Variants in MCM5 observed in about 807,000 individuals in gnomAD.
The protein encoded by MCM5 is minichromosome maintenance complex component 5, also known as DNA replication licensing factor MCM5.
A neutral mutation model predicts 79.9 loss-of-function variants in MCM5; 46 were observed. The ratio of observed to expected loss-of-function variants is 0.58; its 90% CI spans 0.45 to 0.74. MCM5 has a LOEUF of 0.74. Ranked by LOEUF, MCM5 falls within the 30% of genes least tolerant of loss-of-function variation. The probability of loss-of-function intolerance (pLI) is 0.00; values close to 1 mark genes in which losing one functional copy is unlikely to be tolerated. For synonymous variants in MCM5, 404 were observed against 390.5 expected, an observed-to-expected ratio of 1.03 and a Z score of -0.41; for missense variants, 883 against 1,017.0, an observed-to-expected ratio of 0.87 and a Z score of 1.79.
chr22:35,438,416 C>T, the MCM5 span, among the ~76,000 whole-genome samples: 4 of 143,298 alleles, frequency 2.8e-5, no homozygotes, highest in Admixed American at 1.4e-4. Flanking sequence ...CATATTCATC[C>T]ATCCATCCAT....
At position 35,423,267 on chromosome 22, in the gene MCM5, A is replaced by C. The variant is rs1932740120; in HGVS notation, c.2029A>C (p.Lys677Gln). The C allele has an allele frequency of 6.2e-7, 1 of 1,606,804 alleles. No homozygotes were observed. The highest frequency in any genetic ancestry group is 8.5e-7 in the Non-Finnish European group (1 of 1,175,458). Reference protein sequence around the residue: ...EDQEMLSRIEKQLKRRFAIGS... With the variant: ...EDQEMLSRIEQQLKRRFAIGS... ...CCAGGAGATGCTGAGCCGCATCGAGAAGCAGCTCAAGCGCCGCTTTGCCAT... is the reference window on the plus strand; with the variant it reads ...CCAGGAGATGCTGAGCCGCATCGAGCAGCAGCTCAAGCGCCGCTTTGCCAT... The change falls in exon 16 of 17, where the codon AAG (lysine) becomes CAG (glutamine). Residue 677 changes from lysine (K) to glutamine (Q), a missense_variant. Physicochemically the swap from Lys to Gln is moderately conservative, Grantham distance 53. Transcript: ENST00000216122.
At chr22:35,406,764 G>A (rs1932231604) in intron 5 of MCM5, 39 bp downstream of exon 5, 2 of 1,594,510 alleles carry the variant, frequency 1.3e-6, no homozygotes, top group East Asian at 2.2e-5. Flanking sequence ...GAGGTGACCT[G>A]AGTGAAGATC....
At position 35,417,826 on chromosome 22, in the gene MCM5, A is replaced by G. The variant is rs774975303; in HGVS notation, c.1673A>G (p.Lys558Arg). 6.2e-7 allele frequency: 1 copy of G among 1,614,176 alleles called. No individual in the cohort carries two copies. The highest frequency in any genetic ancestry group is 8.5e-7 in the Non-Finnish European group (1 of 1,180,002). The change falls in exon 13 of 17, where the codon AAG (lysine) becomes AGG (arginine). Residue 558 changes from lysine (K) to arginine (R), a missense_variant. Physicochemically the swap from Lys to Arg is conservative, Grantham distance 26. This residue lies in a region of MCM5 where 426 missense variants were observed against 482.3 expected (regional missense o/e 0.88). Transcript: ENST00000216122. Reference sequence around the variant, plus strand: ...GTGGAGGGCGAGATTGACCTGGCCAAGCTGAAGAAGTTTATTGCCTACTGC... The same window carrying G: ...GTGGAGGGCGAGATTGACCTGGCCAGGCTGAAGAAGTTTATTGCCTACTGC... ...QAVEGEIDLAKLKKFIAYCRV... is the reference protein window; with the variant it reads ...QAVEGEIDLARLKKFIAYCRV...
chr22:35,453,799 G>GAT, the MCM5 span, among the ~76,000 whole-genome samples: 2,538 of 91,018 alleles, frequency 0.028, 53 homozygotes, highest in Middle Eastern at 0.047. Context: ...AGAGACAAAA[G>GAT]ATATATATAT....
intron 9 of MCM5, among the ~76,000 whole-genome samples, chr22:35,414,755 T>C (rs1601758860): frequency 6.6e-6 from 1 of 152,084 alleles, no homozygotes; most frequent in South Asian, 2.1e-4. Flanking sequence ...GTGTTAGGGG[T>C]GAGAAAACTC....
the MCM5 span, among the ~76,000 whole-genome samples, chr22:35,453,039 A>G: frequency 0.79 from 120,158 of 152,118 alleles, 48,156 homozygotes; most frequent in African/African-American, 0.89. Context: ...CTATCTGTGC[A>G]GCTCAGGGGC....
rs139628425 is a variant in MCM5, at chr22:35,404,258, C to T, written c.423+716C>T. Among the ~76,000 whole-genome samples the T allele has an allele frequency of 4.4e-3, 676 of 152,304 alleles. 7 individuals carry two copies. Among genetic ancestry groups the T allele is most frequent in the African/African-American group, 0.015 (622 of 41,558 alleles). On this transcript the variant is annotated intron_variant, in intron 4 of 16. Coordinates refer to ENST00000216122, the MANE Select transcript of MCM5 (RefSeq NM_006739.4). Reference sequence around the variant, plus strand: ...GTCTAGATTCAGATTGACCAAATTACCTCACATGACTCTTACAGCTCGTGT... The same window carrying T: ...GTCTAGATTCAGATTGACCAAATTATCTCACATGACTCTTACAGCTCGTGT...
At chr22:35,428,620 T>C (rs1932792584), downstream of MCM5, among the ~76,000 whole-genome samples, 1 of 152,148 alleles carries the variant, frequency 6.6e-6, no homozygotes, top group Admixed American at 6.5e-5. Flanking sequence ...ACACATTGGC[T>C]TGCTCTAACA....
At chr22:35,446,081 A>G in the MCM5 span, among the ~76,000 whole-genome samples, 1 of 152,230 alleles carries the variant, frequency 6.6e-6, no homozygotes, top group East Asian at 1.9e-4. Flanking sequence ...TCTGTTCAGC[A>G]AGTGCTTCTC....
chr22:35,434,929 A>G, the MCM5 span, among the ~76,000 whole-genome samples: 1 of 152,100 alleles, frequency 6.6e-6, no homozygotes, highest in Non-Finnish European at 1.5e-5. Flanking sequence ...AGGTGGGTGG[A>G]TCACTTGAGG....
rs776204498 is a variant in MCM5 at position 35,424,291 on chromosome 22, C to T, written c.*36C>T. 6.5e-5 allele frequency: 92 copies of T among 1,422,414 alleles called. 1 individual carries two copies. In the East Asian group the frequency reaches 2.0e-3, roughly 31 times the overall value. The allele number at this position is 1,422,414 out of a possible 1,614,324, so 88.1% of individuals were successfully genotyped here. Reference sequence around the variant, plus strand: ...CTCACTGGACTCATGGACTCGCCCACGCCTCGCCCCTCCTGCCGCTGCCTG... The same window carrying T: ...CTCACTGGACTCATGGACTCGCCCATGCCTCGCCCCTCCTGCCGCTGCCTG... On this transcript the variant is annotated 3_prime_UTR_variant, in exon 17 of 17. Coordinates refer to ENST00000216122, the MANE Select transcript of MCM5 (RefSeq NM_006739.4).
At chr22:35,407,560 A>C (rs1932254414) in intron 5 of MCM5, among the ~76,000 whole-genome samples, 1 of 151,608 alleles carries the variant, frequency 6.6e-6, no homozygotes, top group African/African-American at 2.4e-5. Context: ...TTTCTGGAAT[A>C]CACTGACTAC....
intron 9 of MCM5, among the ~76,000 whole-genome samples, chr22:35,415,086 G>A (rs1318696349): frequency 6.6e-6 from 1 of 152,108 alleles, no homozygotes; most frequent in African/African-American, 2.4e-5. Context: ...GCTGGGTGCG[G>A]TTGTGTGCAT....
the MCM5 span, among the ~76,000 whole-genome samples, chr22:35,453,819 T>TATATATATATATATATAGAGAGAGAGAG: frequency 3.7e-5 from 3 of 81,546 alleles, no homozygotes; most frequent in Admixed American, 1.3e-4. Context: ...TATATATATA[T>TATATATATATATATATAGAGAGAGAGAG]AGAGAGAGAG....
At chr22:35,438,547 CCACTCACATATT>C in the MCM5 span, among the ~76,000 whole-genome samples, 1 of 135,908 alleles carries the variant, frequency 7.4e-6, no homozygotes. Flanking sequence ...ATCCATCCAT[CCACTCACATATT>C]CATCCATCCA....
chr22:35,401,704 A>C (rs4645739), intron 2 of MCM5: 5 of 470,826 alleles, frequency 1.1e-5, no homozygotes, highest in African/African-American at 6.0e-5. Flanking sequence ...GCACTGCGCT[A>C]CAAAGATGAA....
At chr22:35,454,817 C>T in the MCM5 span, among the ~76,000 whole-genome samples, 11 of 152,070 alleles carry the variant, frequency 7.2e-5, no homozygotes, top group South Asian at 2.1e-4. Flanking sequence ...GATAAGTCTC[C>T]GTTGTAAGGG....
At chr22:35,438,803 CCATCCATCCATCCGTCCAT>C in the MCM5 span, among the ~76,000 whole-genome samples, 1 of 149,252 alleles carries the variant, frequency 6.7e-6, no homozygotes, top group East Asian at 2.0e-4. Flanking sequence ...ATCCATCCAT[CCATCCATCCATCCGTCCAT>C]CCACATATTC....
the MCM5 span, among the ~76,000 whole-genome samples, chr22:35,435,164 G>A: frequency 6.6e-6 from 1 of 151,986 alleles, no homozygotes; most frequent in Non-Finnish European, 1.5e-5. Context: ...CAAACAAAAA[G>A]GAATGAGGAG....
Sources: allele counts gnomAD v4.1 joint callset (sites outside exome capture counted in the v4.1 genomes callset), GRCh38; gene constraint gnomAD v4.1.1; regional missense constraint gnomAD v4.1.1; transcripts MANE v1.5; gene names NCBI Gene and HGNC (gene_info 2026-07-23, HGNC 2026-07-21).